LRMDA: variants seen among roughly 807,000 people sequenced by gnomAD.
The protein encoded by LRMDA is leucine rich melanocyte differentiation associated, also known as leucine-rich melanocyte differentiation-associated protein.
In LRMDA, 18 loss-of-function variants were observed where a neutral mutation model predicts 29.8. The observed-to-expected ratio is 0.60, with a 90% CI of 0.42 to 0.90. LRMDA has a LOEUF of 0.90. LRMDA is among the 40% of genes least tolerant of loss of function. LRMDA has a pLI of 0.00. For missense variants in LRMDA, 273 were observed against 273.9 expected, an observed-to-expected ratio of 1.00 and a Z score of 0.02; for synonymous variants, 125 against 109.4, an observed-to-expected ratio of 1.14 and a Z score of -0.89.
chr10:75,997,084 T>C (rs1847480745), intron 2 of LRMDA, among the ~76,000 whole-genome samples: 1 of 152,188 alleles, frequency 6.6e-6, no homozygotes, highest in Admixed American at 6.5e-5. Flanking sequence ...TGCATATTCA[T>C]TATAGAAATT....
chr10:76,175,647 A>G (rs1589364071), intron 5 of LRMDA, among the ~76,000 whole-genome samples: 1 of 152,280 alleles, frequency 6.6e-6, no homozygotes, highest in East Asian at 1.9e-4. Context: ...TCCAGATTTT[A>G]TTTGGCTCCG....
intron 2 of LRMDA, among the ~76,000 whole-genome samples, chr10:75,862,451 A>G (rs1277988594): frequency 6.6e-6 from 1 of 152,150 alleles, no homozygotes; most frequent in Non-Finnish European, 1.5e-5. Context: ...GGTCCCCTCA[A>G]TCCAGAAGAG....
At chr10:76,062,189 G>A (rs1169973818) in intron 5 of LRMDA, among the ~76,000 whole-genome samples, 3 of 152,290 alleles carry the variant, frequency 2.0e-5, no homozygotes. Flanking sequence ...TCTCAAGCTG[G>A]CTCCTGTCCT....
At chr10:76,337,947 G>T (rs1322497448) in intron 6 of LRMDA, among the ~76,000 whole-genome samples, 1 of 152,104 alleles carries the variant, frequency 6.6e-6, no homozygotes, top group African/African-American at 2.4e-5. Context: ...GGAATCCAAA[G>T]TGCTGGAACC....
Position 76,363,168 on chromosome 10 carries a change from A to AG in LRMDA, c.601+38684dup, listed in dbSNP as rs1456426599. Among the ~76,000 whole-genome samples the AG allele has an allele frequency of 8.2e-4, 21 of 25,738 alleles. 1 individual carries two copies. Among genetic ancestry groups the AG allele is most frequent in the Non-Finnish European group, 2.0e-3 (19 of 9,530 alleles). 16.9% of individuals were successfully genotyped at this position (25,738 alleles called of 152,430 possible). A position where few individuals can be genotyped will look rare whatever the true frequency, so the allele number is the denominator to read the frequency against. ...AAGAAAGAAAGAAAGAAAGAAAGAA[A>AG]GAAAGAAAGGAGGGAGGGAGGGAGG... is the stretch of plus-strand genomic sequence containing the variant. On this transcript the variant is annotated intron_variant, in intron 6 of 6. Transcript: ENST00000611255.
intron 2 of LRMDA, among the ~76,000 whole-genome samples, chr10:75,699,295 A>G (rs890963215): frequency 5.3e-5 from 8 of 152,200 alleles, no homozygotes; most frequent in Non-Finnish European, 8.8e-5. Context: ...CCAAAAATAC[A>G]TTTGAAAATA....
chr10:76,429,019 A>G (rs1447886142), intron 6 of LRMDA, among the ~76,000 whole-genome samples: 4 of 74,924 alleles, frequency 5.3e-5, no homozygotes, highest in Non-Finnish European at 1.2e-4. Flanking sequence ...AACCCTGCCA[A>G]TTATACACAC....
chr10:76,224,476 G>A (rs1851912664), intron 5 of LRMDA, among the ~76,000 whole-genome samples: 1 of 151,958 alleles, frequency 6.6e-6, no homozygotes, highest in African/African-American at 2.4e-5. Context: ...GGAGGCTATA[G>A]TAGGAGGATC....
At chr10:76,469,598 C>T (rs1385537934) in intron 6 of LRMDA, among the ~76,000 whole-genome samples, 2 of 152,084 alleles carry the variant, frequency 1.3e-5, no homozygotes, top group Non-Finnish European at 2.9e-5. Flanking sequence ...CTCTGAAGCT[C>T]TCCTTAGGGG....
At chr10:76,164,791 C>T (rs971646726) in intron 5 of LRMDA, among the ~76,000 whole-genome samples, 1 of 152,030 alleles carries the variant, frequency 6.6e-6, no homozygotes, top group African/African-American at 2.4e-5. Flanking sequence ...GAAAAAAATT[C>T]CTTTTATTGA....
intron 2 of LRMDA, among the ~76,000 whole-genome samples, chr10:75,587,963 A>G (rs1285535913): frequency 6.6e-6 from 1 of 152,204 alleles, no homozygotes; most frequent in East Asian, 1.9e-4. Flanking sequence ...AACCCCTAAA[A>G]TCTTGTGTCC....
At chr10:76,369,838 G>A (rs951839442) in intron 6 of LRMDA, among the ~76,000 whole-genome samples, 1 of 152,004 alleles carries the variant, frequency 6.6e-6, no homozygotes, top group African/African-American at 2.4e-5. Context: ...TTGAGAACTG[G>A]GCCTATAGCA....
chr10:76,012,486 C>T (rs1459399710), intron 2 of LRMDA, among the ~76,000 whole-genome samples: 4 of 152,124 alleles, frequency 2.6e-5, no homozygotes, highest in East Asian at 1.9e-4. Context: ...TGCTTTCCTC[C>T]GAGTCTTTTT....
chr10:75,447,115 G>A (rs1201294866), intron 2 of LRMDA, among the ~76,000 whole-genome samples: 1 of 152,174 alleles, frequency 6.6e-6, no homozygotes, highest in African/African-American at 2.4e-5. Context: ...TAGTTCTAGG[G>A]CACTGATATA....
At chr10:76,255,315 C>T (rs1459342439) in intron 5 of LRMDA, among the ~76,000 whole-genome samples, 1 of 152,174 alleles carries the variant, frequency 6.6e-6, no homozygotes. Context: ...AGGCAATCTT[C>T]CGCTGTCCTT....
chr10:76,005,019 G>A (rs1847625978), intron 2 of LRMDA, among the ~76,000 whole-genome samples: 1 of 152,126 alleles, frequency 6.6e-6, no homozygotes, highest in Non-Finnish European at 1.5e-5. Context: ...GAGCCACCAT[G>A]CCTGGCCTTA....
chr10:75,700,337 A>G (rs1381570334), intron 2 of LRMDA, among the ~76,000 whole-genome samples: 1 of 151,978 alleles, frequency 6.6e-6, no homozygotes, highest in Non-Finnish European at 1.5e-5. Context: ...GTCTAATGAA[A>G]AAAATATAAA....
chr10:76,231,368 T>C (rs1185073432), intron 5 of LRMDA, among the ~76,000 whole-genome samples: 1 of 152,208 alleles, frequency 6.6e-6, no homozygotes, highest in Non-Finnish European at 1.5e-5. Flanking sequence ...AAGATATGAA[T>C]AGCCTGAATC....
rs553647194 is a variant in LRMDA at position 76,461,681 on chromosome 10, T to C, written c.602-95528T>C. Reference sequence around the variant, plus strand: ...GAGCCAGGAATCCTCATCAAACTATTATGGGAGGCTCTGCCCTCTGAGAAG... The same window carrying C: ...GAGCCAGGAATCCTCATCAAACTATCATGGGAGGCTCTGCCCTCTGAGAAG... On this transcript the variant is annotated intron_variant, in intron 6 of 6. Transcript: ENST00000611255. Among the ~76,000 whole-genome samples, 229 of 152,208 alleles carry C rather than the reference T, an allele frequency of 1.5e-3. 1 individual carries two copies. The highest frequency in any genetic ancestry group is 3.7e-3 in the South Asian group (18 of 4,828).
Sources: gnomAD v4.1 joint callset for allele counts (sites outside exome capture counted in the v4.1 genomes callset) on GRCh38, gnomAD v4.1.1 for gene constraint, MANE v1.5 for transcripts, NCBI Gene and HGNC (gene_info 2026-07-23, HGNC 2026-07-21) for gene names.